RAB28: variants seen among roughly 807,000 people sequenced by gnomAD.
RAB28 encodes the protein ras-related protein Rab-28.
RAB28 carries 24 observed loss-of-function variants against 31.7 expected under a neutral mutation model. The observed-to-expected ratio is 0.76, with a 90% CI of 0.55 to 1.06. The LOEUF (loss-of-function observed/expected upper bound fraction) is 1.06. Among genes scored for constraint, RAB28 ranks in the 50% least tolerant of loss-of-function variants. The pLI is 0.00. For synonymous variants in RAB28, 100 were observed against 90.4 expected (o/e 1.11, Z -0.60); for missense variants, 254 against 258.5 (o/e 0.98, Z 0.12).
At chr4:13,436,910 A>G (rs903329752) in intron 4 of RAB28, among the ~76,000 whole-genome samples, 5 of 152,164 alleles carry the variant, frequency 3.3e-5, no homozygotes, top group African/African-American at 9.7e-5. Flanking sequence ...AGCCAAAGTA[A>G]TCATAAGCAA....
chr4:13,471,903 C>G (rs1465761708), intron 3 of RAB28, among the ~76,000 whole-genome samples: 1 of 151,964 alleles, frequency 6.6e-6, no homozygotes, highest in Non-Finnish European at 1.5e-5. Flanking sequence ...GTTCTAAGAA[C>G]TATAACATTC....
intron 4 of RAB28, among the ~76,000 whole-genome samples, chr4:13,394,683 A>G (rs1302583275): frequency 6.6e-6 from 1 of 152,234 alleles, no homozygotes; most frequent in Non-Finnish European, 1.5e-5. Flanking sequence ...ACAAAGAAGT[A>G]TAATAAGCAA....
At chr4:13,429,425 C>G (rs550969418) in intron 4 of RAB28, among the ~76,000 whole-genome samples, 5 of 152,270 alleles carry the variant, frequency 3.3e-5, no homozygotes, top group African/African-American at 1.2e-4. Context: ...TAAACTAGTT[C>G]AGCAAGGTTG....
chr4:13,421,959 C>T (rs1028939465), intron 4 of RAB28, among the ~76,000 whole-genome samples: 11 of 151,964 alleles, frequency 7.2e-5, no homozygotes, highest in African/African-American at 1.2e-4. Flanking sequence ...TCAGAGTGAA[C>T]AGGCAACCTA....
intron 4 of RAB28, among the ~76,000 whole-genome samples, chr4:13,402,798 T>C (rs138605243): frequency 1.5e-4 from 23 of 152,006 alleles, no homozygotes; most frequent in African/African-American, 5.6e-4. Flanking sequence ...ATTATTTTTT[T>C]ATTATTATTA....
intron 4 of RAB28, among the ~76,000 whole-genome samples, chr4:13,409,102 A>T (rs1482285348): frequency 6.6e-6 from 1 of 152,162 alleles, no homozygotes; most frequent in Non-Finnish European, 1.5e-5. Flanking sequence ...CATTATACTA[A>T]AATCTCATGT....
At chr4:13,462,274 T>G (rs1166137893) in intron 3 of RAB28, among the ~76,000 whole-genome samples, 5 of 152,168 alleles carry the variant, frequency 3.3e-5, no homozygotes. Flanking sequence ...GCGGTCATTT[T>G]TAAGCTATCA....
At chr4:13,465,038 T>C (rs1237326569) in intron 3 of RAB28, among the ~76,000 whole-genome samples, 1 of 151,960 alleles carries the variant, frequency 6.6e-6, no homozygotes, top group Admixed American at 6.6e-5. Context: ...GGTACATTGC[T>C]GGACACGGCA....
intron 4 of RAB28, among the ~76,000 whole-genome samples, chr4:13,435,335 A>G (rs866920801): frequency 1.4e-4 from 21 of 152,230 alleles, no homozygotes; most frequent in Middle Eastern, 6.8e-3. Flanking sequence ...AACAAGAACC[A>G]ACTAAACACA....
intron 4 of RAB28, among the ~76,000 whole-genome samples, chr4:13,392,715 T>C (rs1010125719): frequency 6.6e-6 from 1 of 152,318 alleles, no homozygotes. Context: ...ATAAGTGTTT[T>C]CTTGAACGTT....
At chr4:13,380,388 G>T (rs958787953) in intron 5 of RAB28, among the ~76,000 whole-genome samples, 4 of 151,958 alleles carry the variant, frequency 2.6e-5, no homozygotes, top group African/African-American at 4.8e-5. Flanking sequence ...GGTCAGTGAT[G>T]ATTATTTGAA....
At chr4:13,444,502 T>C (rs964557360) in intron 4 of RAB28, among the ~76,000 whole-genome samples, 1 of 152,184 alleles carries the variant, frequency 6.6e-6, no homozygotes, top group Non-Finnish European at 1.5e-5. Flanking sequence ...AAAGATTCTC[T>C]TCAACACACT....
chr4:13,476,243 C>T (rs1577251212), intron 2 of RAB28, among the ~76,000 whole-genome samples: 1 of 151,486 alleles, frequency 6.6e-6, no homozygotes, highest in East Asian at 1.9e-4. Context: ...ATTCTGACTA[C>T]AATCATATCA....
At position 13,381,587 on chromosome 4, in the gene RAB28, CAA is replaced by C. The variant is rs1430896406; in HGVS notation, c.397_398del (p.Leu133GlyfsTer9). The C allele has an allele frequency of 6.2e-7, 1 of 1,610,488 alleles. No individual in the cohort carries two copies. Among genetic ancestry groups the C allele is most frequent in the East Asian group, 2.2e-5 (1 of 44,728 alleles). On this transcript the variant is annotated frameshift_variant, in exon 5 of 7. Coordinates refer to ENST00000330852, the MANE Select transcript of RAB28 (RefSeq NM_001017979.3). LOFTEE classifies it high-confidence loss of function. ...LVALVGNKID[L>X]EHMRTIKPEK... ...CAGGTTTTATTGTTCGCATATGCTCCAAATCAACTAGAAAGGTGTTAAAGAAA... is the reference window on the plus strand; with the variant it reads ...CAGGTTTTATTGTTCGCATATGCTCCATCAACTAGAAAGGTGTTAAAGAAA...
chr4:13,391,361 T>C (rs541563842), intron 4 of RAB28, among the ~76,000 whole-genome samples: 1 of 152,214 alleles, frequency 6.6e-6, no homozygotes, highest in South Asian at 2.1e-4. Context: ...TGAGATACCA[T>C]CTCACACCAG....
intron 4 of RAB28, among the ~76,000 whole-genome samples, chr4:13,432,705 G>A (rs533164627): frequency 4.2e-4 from 64 of 152,214 alleles, no homozygotes; most frequent in African/African-American, 1.4e-3. Context: ...ATGAACAAAG[G>A]AGAAATAAAG....
At chr4:13,395,408 T>G (rs540249431) in intron 4 of RAB28, among the ~76,000 whole-genome samples, 1 of 152,184 alleles carries the variant, frequency 6.6e-6, no homozygotes, top group African/African-American at 2.4e-5. Context: ...TGATCCATGA[T>G]TAGCCCAAAC....
chr4:13,460,303 C>G (rs1011772465), intron 4 of RAB28, among the ~76,000 whole-genome samples: 1 of 152,204 alleles, frequency 6.6e-6, no homozygotes, highest in Admixed American at 6.5e-5. Context: ...GGTTCGCAGA[C>G]AGCCACCTTC....
intron 4 of RAB28, among the ~76,000 whole-genome samples, chr4:13,383,764 T>A (rs888686195): frequency 5.9e-5 from 9 of 152,340 alleles, no homozygotes; most frequent in Admixed American, 5.9e-4. Context: ...GCAGTTCCCC[T>A]GCACATGCCA....
Sources: gnomAD v4.1 joint callset for allele counts (sites outside exome capture counted in the v4.1 genomes callset) on GRCh38, gnomAD v4.1.1 for gene constraint, MANE v1.5 for transcripts, NCBI Gene and HGNC (gene_info 2026-07-23, HGNC 2026-07-21) for gene names.